Variants in UBE2E2 observed in about 807,000 individuals in gnomAD.
UBE2E2 encodes ubiquitin conjugating enzyme E2 E2.
A neutral mutation model predicts 24.7 loss-of-function variants in UBE2E2; 6 were observed. That is an observed-to-expected ratio of 0.24 (90% CI 0.13 to 0.48). UBE2E2 has a LOEUF of 0.48. UBE2E2 is among the 20% of genes least tolerant of loss of function. UBE2E2 has a pLI of 0.99. For synonymous variants in UBE2E2, 104 were observed against 83.6 expected (o/e 1.24, Z -1.33); for missense variants, 169 against 245.0 (o/e 0.69, Z 2.07).
At chr3:23,403,603 C>G (rs779601573) in intron 3 of UBE2E2, among the ~76,000 whole-genome samples, 1 of 151,998 alleles carries the variant, frequency 6.6e-6, no homozygotes, top group African/African-American at 2.4e-5. Flanking sequence ...AGTGGATCAC[C>G]CAAGGTCAGG....
intron 3 of UBE2E2, among the ~76,000 whole-genome samples, chr3:23,296,937 T>C (rs955676133): frequency 2.0e-5 from 3 of 152,186 alleles, no homozygotes; most frequent in Non-Finnish European, 4.4e-5. Context: ...AGTGTAAAAG[T>C]CTTCCTATTT....
At chr3:23,290,009 A>G (rs1366241258) in intron 3 of UBE2E2, among the ~76,000 whole-genome samples, 2 of 152,262 alleles carry the variant, frequency 1.3e-5, no homozygotes, top group African/African-American at 4.8e-5. Context: ...CATTTAAAAC[A>G]TTTCTAAGGG....
intron 3 of UBE2E2, among the ~76,000 whole-genome samples, chr3:23,388,306 G>T (rs1052875043): frequency 1.3e-5 from 2 of 152,098 alleles, no homozygotes; most frequent in African/African-American, 4.8e-5. Flanking sequence ...CCTTTTGCAG[G>T]TGGAATTCTC....
chr3:23,486,179 C>T (rs886230753), intron 3 of UBE2E2, among the ~76,000 whole-genome samples: 2 of 152,164 alleles, frequency 1.3e-5, no homozygotes, highest in African/African-American at 2.4e-5. Context: ...ATGAGGTCTG[C>T]CCACTGTGCA....
At chr3:23,554,799 A>G (rs559457442) in intron 5 of UBE2E2, among the ~76,000 whole-genome samples, 2 of 152,288 alleles carry the variant, frequency 1.3e-5, no homozygotes, top group Admixed American at 6.5e-5. Flanking sequence ...ACAGACTGGG[A>G]AAAAAATATT....
At chr3:23,446,720 T>TTTTTTTTTTTTA (rs1553612084) in intron 3 of UBE2E2, among the ~76,000 whole-genome samples, 1 of 145,258 alleles carries the variant, frequency 6.9e-6, no homozygotes, top group African/African-American at 2.6e-5. Flanking sequence ...TTTTTTTTTT[T>TTTTTTTTTTTTA]ATCCGTAGGG....
intron 3 of UBE2E2, among the ~76,000 whole-genome samples, chr3:23,348,231 C>G (rs921564103): frequency 6.6e-6 from 1 of 151,720 alleles, no homozygotes; most frequent in Middle Eastern, 3.2e-3. Flanking sequence ...AACCTTATCT[C>G]TCTGCATAAA....
chr3:23,579,187 T>A (rs552429199), intron 5 of UBE2E2, among the ~76,000 whole-genome samples: 68 of 152,182 alleles, frequency 4.5e-4, no homozygotes, highest in Non-Finnish European at 7.8e-4. Context: ...GGTCAGGAGA[T>A]CGAGACCTTC....
intron 3 of UBE2E2, among the ~76,000 whole-genome samples, chr3:23,463,509 G>A (rs185407717): frequency 7.9e-5 from 12 of 151,900 alleles, no homozygotes; most frequent in Admixed American, 7.9e-4. Flanking sequence ...ATTACCCCAG[G>A]TCCCACAGAA....
intron 3 of UBE2E2, among the ~76,000 whole-genome samples, chr3:23,359,527 A>G (rs978857319): frequency 2.6e-5 from 4 of 152,164 alleles, no homozygotes; most frequent in Non-Finnish European, 5.9e-5. Context: ...ACTGGTGTCT[A>G]CAGATTTTGG....
At chr3:23,584,622 T>C (rs1696568456) in intron 5 of UBE2E2, among the ~76,000 whole-genome samples, 1 of 151,686 alleles carries the variant, frequency 6.6e-6, no homozygotes, top group African/African-American at 2.4e-5. Context: ...GGCGCAATCA[T>C]GGCTCACTGT....
intron 3 of UBE2E2, among the ~76,000 whole-genome samples, chr3:23,458,045 C>G (rs1188701003): frequency 2.0e-5 from 3 of 152,140 alleles, no homozygotes; most frequent in African/African-American, 4.8e-5. Flanking sequence ...TTTGCATTCA[C>G]AACTTGGCTA....
chr3:23,211,075 T>A (rs1696309753), intron 2 of UBE2E2, among the ~76,000 whole-genome samples: 1 of 152,162 alleles, frequency 6.6e-6, no homozygotes, highest in South Asian at 2.1e-4. Flanking sequence ...ATCTTTTAAG[T>A]TCACTGCCAT....
At position 23,268,346 on chromosome 3, in the gene UBE2E2, G is replaced by A. The variant is rs964967640; in HGVS notation, c.227+51034G>A. Reference sequence around the variant, plus strand: ...CAAAATCTCCTTAAGCTGATAAGCAGCTTCAACAAAGTCTCAGGATACAAA... The same window carrying A: ...CAAAATCTCCTTAAGCTGATAAGCAACTTCAACAAAGTCTCAGGATACAAA... On this transcript the variant is annotated intron_variant, in intron 3 of 5. Coordinates refer to ENST00000396703, the MANE Select transcript of UBE2E2 (RefSeq NM_152653.4). 1.1e-4 allele frequency among the ~76,000 whole-genome samples: 17 copies of A among 151,058 alleles called. No individual in the cohort carries two copies. In the South Asian group the frequency reaches 1.9e-3, roughly 17 times the overall value.
chr3:23,309,641 C>A (rs1699322611), intron 3 of UBE2E2, among the ~76,000 whole-genome samples: 1 of 152,070 alleles, frequency 6.6e-6, no homozygotes, highest in Non-Finnish European at 1.5e-5. Context: ...GTCAGAGCAT[C>A]ATGTGCATCT....
intron 3 of UBE2E2, among the ~76,000 whole-genome samples, chr3:23,421,264 A>G (rs9869171): frequency 0.042 from 6,451 of 152,290 alleles, 475 homozygotes; most frequent in African/African-American, 0.15. Context: ...GATGGCTGGT[A>G]TCTGTTACAG....
chr3:23,326,372 T>A (rs1694891181), intron 3 of UBE2E2, among the ~76,000 whole-genome samples: 1 of 152,152 alleles, frequency 6.6e-6, no homozygotes, highest in Non-Finnish European at 1.5e-5. Context: ...TGCCTGGCCA[T>A]CTGTAATCTT....
intron 3 of UBE2E2, among the ~76,000 whole-genome samples, chr3:23,464,706 C>G (rs534247546): frequency 6.6e-6 from 1 of 152,102 alleles, no homozygotes; most frequent in South Asian, 2.1e-4. Context: ...TGAGAAAATA[C>G]TTCTCTAGTT....
chr3:23,258,900 GAAAAAA>G (rs11333992), intron 3 of UBE2E2, among the ~76,000 whole-genome samples: 16 of 78,920 alleles, frequency 2.0e-4, no homozygotes, highest in African/African-American at 6.2e-4. Flanking sequence ...CTCAAAAAAA[GAAAAAA>G]AAAAAAAAAA....
Sources: allele counts gnomAD v4.1 joint callset (sites outside exome capture counted in the v4.1 genomes callset), GRCh38; gene constraint gnomAD v4.1.1; transcripts MANE v1.5; gene names NCBI Gene and HGNC (gene_info 2026-07-23, HGNC 2026-07-21).